Variants in DAB1 observed in about 807,000 individuals in gnomAD.
The protein encoded by DAB1 is DAB adaptor protein 1, also known as disabled homolog 1.
In DAB1, 15 loss-of-function variants were observed where a neutral mutation model predicts 64.6. The ratio of observed to expected loss-of-function variants is 0.23; its 90% confidence interval spans 0.16 to 0.36. DAB1 has a LOEUF of 0.36. Among genes scored for constraint, DAB1 ranks in the 10% least tolerant of loss-of-function variants. DAB1 has a pLI of 1.00. For synonymous variants in DAB1, 235 were observed against 251.9 expected, an observed-to-expected ratio of 0.93 and a Z score of 0.64; for missense variants, 596 against 706.7, an observed-to-expected ratio of 0.84 and a Z score of 1.78.
chr1:57,241,466 C>A (rs1668489736), intron 2 of DAB1, among the ~76,000 whole-genome samples: 1 of 152,116 alleles, frequency 6.6e-6, no homozygotes, highest in Non-Finnish European at 1.5e-5. Flanking sequence ...ACAAAATAGA[C>A]CATCAGCCTC....
At chr1:57,838,604 G>A (rs1371294517) in intron 1 of DAB1, among the ~76,000 whole-genome samples, 1 of 152,220 alleles carries the variant, frequency 6.6e-6, no homozygotes, top group South Asian at 2.1e-4. Context: ...GAGCATGGGT[G>A]TTGGAGTCTC....
chr1:58,269,033 C>CT (rs1333678057), intron 4 of DAB1, among the ~76,000 whole-genome samples: 2 of 150,252 alleles, frequency 1.3e-5, no homozygotes, highest in Non-Finnish European at 3.0e-5. Flanking sequence ...TTTTATTATA[C>CT]TTTAAGTTTT....
chr1:57,544,202 A>G (rs1644832736), intron 7 of DAB1, among the ~76,000 whole-genome samples: 1 of 152,220 alleles, frequency 6.6e-6, no homozygotes, highest in South Asian at 2.1e-4. Flanking sequence ...TGTCTGACAT[A>G]AACACTCAGA....
chr1:58,068,917 G>A (rs1431769643), intron 5 of DAB1, among the ~76,000 whole-genome samples: 1 of 152,124 alleles, frequency 6.6e-6, no homozygotes, highest in Admixed American at 6.5e-5. Context: ...TACGCTTGGT[G>A]TGACACACAA....
intron 2 of DAB1, among the ~76,000 whole-genome samples, chr1:57,169,012 T>C (rs955900330): frequency 5.3e-5 from 8 of 152,038 alleles, no homozygotes; most frequent in Admixed American, 2.6e-4. Flanking sequence ...GCTATAATCA[T>C]GCCACTGCAC....
chr1:57,165,341 G>T (rs1394485193), intron 2 of DAB1, among the ~76,000 whole-genome samples: 1 of 151,850 alleles, frequency 6.6e-6, no homozygotes, highest in African/African-American at 2.4e-5. Context: ...GCTCAATATG[G>T]TCTATAAACA....
chr1:58,480,234 G>T (rs2100345817), intron 3 of DAB1, among the ~76,000 whole-genome samples: 1 of 152,182 alleles, frequency 6.6e-6, no homozygotes, highest in African/African-American at 2.4e-5. Flanking sequence ...GAGGGACAGT[G>T]CCTTGCCTTT....
chr1:58,463,216 G>A (rs72669879), intron 3 of DAB1, among the ~76,000 whole-genome samples: 4,243 of 152,300 alleles, frequency 0.028, 85 homozygotes, highest in Non-Finnish European at 0.044. Flanking sequence ...ATTTAATTAC[G>A]TTGAGCCTTA....
At chr1:58,342,562 C>T (rs1341745) in intron 4 of DAB1, among the ~76,000 whole-genome samples, 18,216 of 152,224 alleles carry the variant, frequency 0.12, 1,117 homozygotes, top group Non-Finnish European at 0.13. Context: ...ATATACTTAA[C>T]TGATCACTGG....
chr1:57,810,365 C>G (rs1651562684), intron 6 of DAB1, among the ~76,000 whole-genome samples: 1 of 152,094 alleles, frequency 6.6e-6, no homozygotes, highest in African/African-American at 2.4e-5. Context: ...AGAGGGGACA[C>G]AGGAGCAATC....
chr1:58,457,384 C>G (rs1358930510), intron 3 of DAB1, among the ~76,000 whole-genome samples: 6 of 151,994 alleles, frequency 3.9e-5, no homozygotes, highest in African/African-American at 1.4e-4. Flanking sequence ...GAAAAAGAGT[C>G]CCAGCTGGCC....
chr1:58,457,038 A>C (rs940735922), intron 3 of DAB1, among the ~76,000 whole-genome samples: 5 of 152,168 alleles, frequency 3.3e-5, no homozygotes, highest in African/African-American at 1.2e-4. Flanking sequence ...GTGCCCGCAA[A>C]ATCCATCCTT....
chr1:57,082,898 A>T (rs143733162), intron 4 of DAB1, among the ~76,000 whole-genome samples: 281 of 152,240 alleles, frequency 1.8e-3, no homozygotes, highest in South Asian at 7.5e-3. Context: ...ATTTTCAGCA[A>T]CAACATTTTT....
intron 2 of DAB1, among the ~76,000 whole-genome samples, chr1:57,152,443 T>G (rs991415745): frequency 6.6e-6 from 1 of 152,228 alleles, no homozygotes; most frequent in Non-Finnish European, 1.5e-5. Flanking sequence ...AGCACTGATT[T>G]GAATTCCAAA....
intron 2 of DAB1, among the ~76,000 whole-genome samples, chr1:58,511,390 G>C (rs1569921301): frequency 6.6e-6 from 1 of 152,112 alleles, no homozygotes; most frequent in East Asian, 1.9e-4. Context: ...GTTCATATCT[G>C]TGATCCCAGC....
Position 57,015,407 on chromosome 1 carries a change from A to G in DAB1, c.920T>C (p.Leu307Pro). The G allele has an allele frequency of 6.2e-7, 1 of 1,612,094 alleles. No individual in the cohort carries two copies. ...GGGCTGCTGACCCCAGAAGGACGGG[A>G]GGACAGCGCCCATTGCAACGTAACC... Reference protein sequence around the residue: ...PSGYVAMGAVLPSFWGQQPLV... With the variant: ...PSGYVAMGAVPPSFWGQQPLV... Residue 307 changes from leucine to proline, a missense_variant, in exon 12 of 15, where the codon CTC becomes CCC. Leu to Pro is a moderately conservative substitution (Grantham distance 98). Transcript: ENST00000371236.
chr1:57,579,073 CCA>C (rs972607253), intron 7 of DAB1, among the ~76,000 whole-genome samples: 1 of 152,148 alleles, frequency 6.6e-6, no homozygotes, highest in African/African-American at 2.4e-5. Context: ...TATAAAGATC[CCA>C]CAGAGTTTTA....
At chr1:57,987,653 T>C (rs556503602) in intron 5 of DAB1, among the ~76,000 whole-genome samples, 1 of 152,216 alleles carries the variant, frequency 6.6e-6, no homozygotes, top group South Asian at 2.1e-4. Context: ...GGTGCTCAGC[T>C]CTGAAATGGA....
chr1:57,066,663 A>T (rs1351135409), intron 8 of DAB1, among the ~76,000 whole-genome samples: 1 of 152,212 alleles, frequency 6.6e-6, no homozygotes, highest in East Asian at 1.9e-4. Context: ...AAACATGATC[A>T]TAAGACATCT....
Sources: gnomAD v4.1 joint callset for allele counts (sites outside exome capture counted in the v4.1 genomes callset) on GRCh38, gnomAD v4.1.1 for gene constraint, MANE v1.5 for transcripts, NCBI Gene and HGNC (gene_info 2026-07-23, HGNC 2026-07-21) for gene names.